Variants in ZNF536 observed in about 807,000 individuals in gnomAD.
The protein encoded by ZNF536 is zinc finger protein 536.
ZNF536 carries 13 observed loss-of-function variants against 84.5 expected under a neutral mutation model. That is an observed-to-expected ratio of 0.15 (90% CI 0.10 to 0.24). ZNF536 has a LOEUF of 0.24. Ranked by LOEUF, ZNF536 falls within the 10% of genes least tolerant of loss-of-function variation. The probability of loss-of-function intolerance (pLI) is 1.00; values close to 1 mark genes in which losing one functional copy is unlikely to be tolerated. For missense variants in ZNF536, 1,536 were observed against 1,747.5 expected (o/e 0.88, Z 2.16); for synonymous variants, 811 against 742.5 (o/e 1.09, Z -1.50).
chr19:30,520,521 G>A (rs934413421), intron 2 of ZNF536, among the ~76,000 whole-genome samples: 7 of 151,978 alleles, frequency 4.6e-5, no homozygotes, highest in African/African-American at 1.5e-4. Context: ...CCCCTCAAAG[G>A]GGTGTTTGGA....
intron 2 of ZNF536, among the ~76,000 whole-genome samples, chr19:30,347,704 G>A (rs1241843978): frequency 6.6e-6 from 1 of 152,312 alleles, no homozygotes; most frequent in East Asian, 1.9e-4. Flanking sequence ...AGGGCCAGGG[G>A]TCTCATTGTC....
At chr19:30,228,094 G>A (rs2022723626), upstream of ZNF536, among the ~76,000 whole-genome samples, 1 of 152,044 alleles carries the variant, frequency 6.6e-6, no homozygotes, top group African/African-American at 2.4e-5. This position sits in a 1 kb window ranked among gnomAD's most constrained non-coding sequence, Gnocchi z 4.5. Context: ...TGGTGAGACT[G>A]GGAACGCGCT....
At position 30,548,498 on chromosome 19, in the gene ZNF536, G is replaced by C. The variant is rs1256884083; in HGVS notation, c.2879G>C (p.Ser960Thr). The C allele has an allele frequency of 6.2e-7, 1 of 1,614,160 alleles. No homozygotes were observed. The highest frequency in any genetic ancestry group is 1.1e-5 in the South Asian group (1 of 91,086). ...GTGGATGGTGGTGAGGAGAAACCCA[G>C]TGGCAAGTCCTCCCAGAGGAAGTCC... Reference protein sequence around the residue: ...HGVDGGEEKPSGKSSQRKSEK... With the variant: ...HGVDGGEEKPTGKSSQRKSEK... Residue 960 changes from serine to threonine, a missense_variant, in exon 4 of 5, where the codon AGT (serine) becomes ACT (threonine). Coordinates refer to ENST00000355537, the MANE Select transcript of ZNF536 (RefSeq NM_014717.3).
At chr19:30,593,277 T>G (rs1438565465) in intron 1 of ZNF536, among the ~76,000 whole-genome samples, 2 of 152,122 alleles carry the variant, frequency 1.3e-5, no homozygotes, top group Non-Finnish European at 2.9e-5. Flanking sequence ...CAAAACCCTT[T>G]GTGGGCAGTG....
At chr19:30,463,410 G>A (rs1036975036) in intron 2 of ZNF536, among the ~76,000 whole-genome samples, 1 of 152,144 alleles carries the variant, frequency 6.6e-6, no homozygotes, top group Non-Finnish European at 1.5e-5. Context: ...TGCAGCTGTG[G>A]CCTCTCCAGC....
chr19:30,651,426 AG>A (rs990668344), intron 1 of ZNF536, among the ~76,000 whole-genome samples: 6 of 152,326 alleles, frequency 3.9e-5, no homozygotes, highest in African/African-American at 1.4e-4. Flanking sequence ...GCAGAAAGCA[AG>A]GGGGAGGGAG....
intron 1 of ZNF536, among the ~76,000 whole-genome samples, chr19:30,418,711 G>T (rs747369832): frequency 8.5e-5 from 13 of 152,202 alleles, no homozygotes; most frequent in Admixed American, 2.0e-4. Context: ...GTCTCAAGAG[G>T]TACCCATTTC....
chr19:30,515,012 C>T (rs998618237), intron 2 of ZNF536, among the ~76,000 whole-genome samples: 1 of 152,044 alleles, frequency 6.6e-6, no homozygotes, highest in Admixed American at 6.6e-5. Context: ...CTTTGGGAGG[C>T]CGAGATGGGA....
intron 2 of ZNF536, among the ~76,000 whole-genome samples, chr19:30,350,365 C>G (rs2047894681): frequency 1.3e-5 from 2 of 152,104 alleles, no homozygotes; most frequent in African/African-American, 4.8e-5. Context: ...ATGTCTGGAC[C>G]AGAATCGAGT....
intron 2 of ZNF536, among the ~76,000 whole-genome samples, chr19:30,446,248 CAAAA>C (rs1177505634): frequency 2.4e-4 from 7 of 29,178 alleles, no homozygotes; most frequent in East Asian, 1.0e-3. Context: ...GACACTGTCT[CAAAA>C]AAAAAAAAAA....
chr19:30,563,969 G>A (rs115377823), intron 1 of ZNF536, among the ~76,000 whole-genome samples: 138 of 152,306 alleles, frequency 9.1e-4, no homozygotes, highest in African/African-American at 3.2e-3. Flanking sequence ...CAGCAGGGAG[G>A]CCTAGCCCCA....
chr19:30,653,875 G>A (rs561910013), intron 1 of ZNF536, among the ~76,000 whole-genome samples: 3 of 152,328 alleles, frequency 2.0e-5, no homozygotes, highest in African/African-American at 7.2e-5. Flanking sequence ...ATGTGCAATG[G>A]TGGAGGCTGC....
intron 1 of ZNF536, among the ~76,000 whole-genome samples, chr19:30,404,066 C>G (rs1362065248): frequency 7.8e-6 from 1 of 127,508 alleles, no homozygotes; most frequent in Non-Finnish European, 1.6e-5. Flanking sequence ...ATCTCCTCAT[C>G]ACGGTGCACT....
At chr19:30,319,962 T>C (rs1356200590) in intron 2 of ZNF536, among the ~76,000 whole-genome samples, 1 of 152,266 alleles carries the variant, frequency 6.6e-6, no homozygotes, top group Non-Finnish European at 1.5e-5. Flanking sequence ...GCTCTTACTT[T>C]TTATAGCCAT....
intron 2 of ZNF536, among the ~76,000 whole-genome samples, chr19:30,473,158 A>T (rs900847286): frequency 2.0e-5 from 3 of 151,996 alleles, no homozygotes; most frequent in African/African-American, 7.3e-5. Context: ...GTGAGCCAAG[A>T]TCATGTCACT....
upstream of ZNF536, among the ~76,000 whole-genome samples, chr19:30,226,114 C>T (rs1170695599): frequency 2.0e-5 from 3 of 151,740 alleles, no homozygotes; most frequent in Non-Finnish European, 4.4e-5. The surrounding 1 kb of genome is among the most constrained non-coding windows in gnomAD (Gnocchi z 4.6). Flanking sequence ...GCCCGGCGCG[C>T]GATCGGGACC....
intron 1 of ZNF536, among the ~76,000 whole-genome samples, chr19:30,642,499 C>T (rs1467716257): frequency 6.6e-6 from 1 of 152,100 alleles, no homozygotes; most frequent in Admixed American, 6.5e-5. Flanking sequence ...AGGAATGGAC[C>T]TCAAAAGCTT....
chr19:30,544,246 G>A (rs567110085), intron 3 of ZNF536, among the ~76,000 whole-genome samples: 6 of 152,264 alleles, frequency 3.9e-5, no homozygotes, highest in Admixed American at 3.3e-4. Context: ...TGGACAGAAA[G>A]AGCAATGCAG....
intron 3 of ZNF536, among the ~76,000 whole-genome samples, chr19:30,358,335 C>A (rs186476953): frequency 1.3e-5 from 2 of 152,338 alleles, no homozygotes; most frequent in African/African-American, 4.8e-5. Context: ...CAGCTCAGTT[C>A]TCACCTGAAC....
Sources: gnomAD v4.1 joint callset for allele counts (sites outside exome capture counted in the v4.1 genomes callset) on GRCh38, gnomAD v4.1.1 for gene constraint, Gnocchi (gnomAD v3.1) non-coding constraint, MANE v1.5 for transcripts, NCBI Gene and HGNC (gene_info 2026-07-23, HGNC 2026-07-21) for gene names.